Variants in ERG observed in about 807,000 individuals in gnomAD.
ERG encodes ETS transcription factor ERG, also known as transcriptional regulator ERG.
A neutral mutation model predicts 55.3 loss-of-function variants in ERG; 9 were observed. That is an observed-to-expected ratio of 0.16 (90% CI 0.10 to 0.28). ERG has a LOEUF of 0.28. Ranked by LOEUF, ERG falls within the 10% of genes least tolerant of loss-of-function variation. The pLI, the probability that ERG is intolerant of heterozygous loss-of-function variation, is 1.00. For synonymous variants in ERG, 223 were observed against 237.3 expected (o/e 0.94, Z 0.55); for missense variants, 434 against 631.6 (o/e 0.69, Z 3.35).
At chr21:38,564,238 A>G (rs1318685347) in intron 2 of ERG, among the ~76,000 whole-genome samples, 4 of 152,188 alleles carry the variant, frequency 2.6e-5, no homozygotes, top group Non-Finnish European at 5.9e-5. Context: ...ACTTTCTTTT[A>G]TATCTATTAA....
At chr21:38,597,539 A>G (rs556840890) in intron 1 of ERG, among the ~76,000 whole-genome samples, 1 of 152,166 alleles carries the variant, frequency 6.6e-6, no homozygotes, top group South Asian at 2.1e-4. Flanking sequence ...AGATCTATCT[A>G]CATCCATCCT....
intron 1 of ERG, among the ~76,000 whole-genome samples, chr21:38,612,193 A>G (rs920018274): frequency 6.6e-6 from 1 of 152,176 alleles, no homozygotes; most frequent in Non-Finnish European, 1.5e-5. Flanking sequence ...GAGTCACAAA[A>G]TGTTTACAAA....
rs150612715 is a variant in ERG, at chr21:38,383,958, G to A, written c.920-35C>T. ...TCAGGAGAGGAAGGAAAACTCCAGT[G>A]AGCACAGGTTCCAGGGGAAAGAGGC... On this transcript the variant is annotated intron_variant, in intron 9 of 9. Coordinates refer to ENST00000288319, the MANE Select transcript of ERG (RefSeq NM_182918.4). This position sits in a 1 kb window ranked among gnomAD's most constrained non-coding sequence, Gnocchi z 5.7. 9 of 1,585,762 alleles carry A rather than the reference G, an allele frequency of 5.7e-6. No homozygotes were observed. Among genetic ancestry groups the A allele is most frequent in the Non-Finnish European group, 7.7e-6 (9 of 1,166,322 alleles).
At chr21:38,520,003 A>G (rs941407564) in intron 2 of ERG, among the ~76,000 whole-genome samples, 2 of 151,386 alleles carry the variant, frequency 1.3e-5, no homozygotes, top group Non-Finnish European at 2.9e-5. Context: ...ACACACACAC[A>G]TACAGACACA....
intron 6 of ERG, among the ~76,000 whole-genome samples, chr21:38,395,187 C>T (rs535221899): frequency 6.6e-6 from 1 of 152,302 alleles, no homozygotes; most frequent in Non-Finnish European, 1.5e-5. Flanking sequence ...CCAATGCTTC[C>T]TTATCGGCTA....
At chr21:38,583,535 T>TGGC (rs2060043017) in intron 1 of ERG, among the ~76,000 whole-genome samples, 1 of 152,198 alleles carries the variant, frequency 6.6e-6, no homozygotes, top group African/African-American at 2.4e-5. Context: ...CAGTAGGAAA[T>TGGC]GGCTCATCTT....
At chr21:38,429,729 A>G (rs533673318) in intron 2 of ERG, among the ~76,000 whole-genome samples, 2 of 99,682 alleles carry the variant, frequency 2.0e-5, no homozygotes, top group African/African-American at 3.8e-5. Flanking sequence ...GTCTATATAT[A>G]TGTGTGTATA....
At chr21:38,593,805 T>C (rs2060115436) in intron 1 of ERG, among the ~76,000 whole-genome samples, 1 of 152,204 alleles carries the variant, frequency 6.6e-6, no homozygotes, top group South Asian at 2.1e-4. Flanking sequence ...AGAGATTACA[T>C]ATAAGAGACT....
At chr21:38,614,376 T>C (rs977093889) in intron 1 of ERG, among the ~76,000 whole-genome samples, 4 of 152,182 alleles carry the variant, frequency 2.6e-5, no homozygotes, top group African/African-American at 9.6e-5. Flanking sequence ...CCTTATAAGA[T>C]GTGGCCATGA....
chr21:38,509,807 T>C (rs1601162046), intron 2 of ERG, among the ~76,000 whole-genome samples: 1 of 152,328 alleles, frequency 6.6e-6, no homozygotes, highest in African/African-American at 2.4e-5. Context: ...GGGGATTCAT[T>C]ACCTTGAGTT....
At chr21:38,526,661 C>A (rs1026123571) in intron 2 of ERG, among the ~76,000 whole-genome samples, 2 of 152,006 alleles carry the variant, frequency 1.3e-5, no homozygotes, top group Non-Finnish European at 2.9e-5. Context: ...GAAGGCTAAT[C>A]CCCCAAAATG....
intron 2 of ERG, among the ~76,000 whole-genome samples, chr21:38,535,407 T>C (rs1163123317): frequency 6.6e-6 from 1 of 152,218 alleles, no homozygotes; most frequent in Non-Finnish European, 1.5e-5. Context: ...TGACTACAGA[T>C]TTTATGTTTT....
intron 2 of ERG, among the ~76,000 whole-genome samples, chr21:38,534,347 T>C (rs2059694173): frequency 8.0e-6 from 1 of 125,690 alleles, no homozygotes; most frequent in Admixed American, 8.4e-5. Context: ...CATCAGTTTC[T>C]ATTGCCAAAT....
intron 1 of ERG, among the ~76,000 whole-genome samples, chr21:38,497,214 T>C (rs114529351): frequency 1.1e-3 from 160 of 152,346 alleles, no homozygotes; most frequent in African/African-American, 3.7e-3. Flanking sequence ...AATCTTCTAA[T>C]ACAAACATTT....
upstream of ERG, among the ~76,000 whole-genome samples, chr21:38,503,009 G>C (rs1337398018): frequency 6.6e-6 from 1 of 152,114 alleles, no homozygotes; most frequent in Non-Finnish European, 1.5e-5. Context: ...ACAGGCGTGA[G>C]CCACCACGCC....
intron 1 of ERG, among the ~76,000 whole-genome samples, chr21:38,624,968 A>C (rs2060315621): frequency 6.6e-6 from 1 of 151,980 alleles, no homozygotes. Context: ...AGAATGTTGA[A>C]TGAATGAATA....
upstream of ERG, chr21:38,498,503 A>G: frequency 1.4e-6 from 2 of 1,456,750 alleles, no homozygotes; most frequent in Non-Finnish European, 1.8e-6. This position sits in a 1 kb window ranked among gnomAD's most constrained non-coding sequence, Gnocchi z 4.6. Context: ...CTGGGAAATG[A>G]AGTCAGCCAA....
rs182104333 is a variant in ERG, at chr21:38,477,427, T to A, written c.18+20936A>T. Among the ~76,000 whole-genome samples the A allele has an allele frequency of 7.9e-4, 121 of 152,294 alleles. 1 individual carries two copies. In the East Asian group the frequency reaches 0.019, roughly 24 times the overall value. On this transcript the variant is annotated intron_variant, in intron 1 of 9. Coordinates refer to ENST00000288319, the MANE Select transcript of ERG (RefSeq NM_182918.4). Reference sequence around the variant, plus strand: ...CACAGAAGGGAGATTTTTTTTTTAATCTCCGAGAAGTTATTGGTTTTCATG... The same window carrying A: ...CACAGAAGGGAGATTTTTTTTTTAAACTCCGAGAAGTTATTGGTTTTCATG...
intron 1 of ERG, among the ~76,000 whole-genome samples, chr21:38,458,292 C>T (rs1047573102): frequency 5.3e-5 from 8 of 152,012 alleles, no homozygotes; most frequent in Admixed American, 1.3e-4. Context: ...GGTGTGGTGG[C>T]GTGTGCCTGT....
Sources: gnomAD v4.1 joint callset for allele counts (sites outside exome capture counted in the v4.1 genomes callset) on GRCh38, gnomAD v4.1.1 for gene constraint, Gnocchi (gnomAD v3.1) non-coding constraint, MANE v1.5 for transcripts, NCBI Gene and HGNC (gene_info 2026-07-23, HGNC 2026-07-21) for gene names.